The following ZNF362 variants were observed in gnomAD, a reference collection of about 807,000 sequenced individuals.
ZNF362 encodes the protein rotund homolog.
A neutral mutation model predicts 42.9 loss-of-function variants in ZNF362; 11 were observed. That is an observed-to-expected ratio of 0.26 (90% CI 0.16 to 0.42). The LOEUF is 0.42. Ranked by LOEUF, ZNF362 falls within the 20% of genes least tolerant of loss-of-function variation. ZNF362 has a pLI of 1.00. For missense variants in ZNF362, 362 were observed against 576.2 expected (o/e 0.63, Z 3.81); for synonymous variants, 255 against 257.3 (o/e 0.99, Z 0.09).
chr1:33,151,150 G>T, the ZNF362 span, among the ~76,000 whole-genome samples: 2 of 151,970 alleles, frequency 1.3e-5, no homozygotes, highest in South Asian at 2.1e-4. Flanking sequence ...GCTCTCCGTG[G>T]GTCTGAGACC....
the ZNF362 span, among the ~76,000 whole-genome samples, chr1:33,197,602 G>A: frequency 6.6e-6 from 1 of 152,166 alleles, no homozygotes. Flanking sequence ...CAAGCAAGGT[G>A]AGCTAAACAG....
At chr1:33,298,870 C>T in intron 8 of ZNF362, 60 bp from the exon 9 acceptor site, 3 of 1,462,320 alleles carry the variant, frequency 2.1e-6, no homozygotes, top group Non-Finnish European at 2.9e-6. Flanking sequence ...GTGGGAACTG[C>T]AGCCTCTTCT....
At chr1:33,250,757 AAGAAG>A in the ZNF362 span, among the ~76,000 whole-genome samples, 8 of 151,310 alleles carry the variant, frequency 5.3e-5, no homozygotes, top group South Asian at 1.3e-3. Context: ...AAGAAAAAAA[AAGAAG>A]AAAGAAGAAG....
At chr1:33,277,782 A>T (rs2148100868) in intron 4 of ZNF362, among the ~76,000 whole-genome samples, 1 of 152,274 alleles carries the variant, frequency 6.6e-6, no homozygotes, top group Middle Eastern at 3.4e-3. Context: ...TTGGGGAAAG[A>T]TGTGAGCTCA....
the ZNF362 span, chr1:33,196,193 A>C: frequency 6.6e-6 from 1 of 152,148 alleles, no homozygotes; most frequent in East Asian, 1.9e-4. Flanking sequence ...CAGCCTGGCC[A>C]ACATGGTGAA....
rs77802654 is a variant in ZNF362 at position 33,294,234 on chromosome 1, G to A, written c.909-703G>A. On this transcript the variant is annotated intron_variant, in intron 6 of 8. Coordinates refer to ENST00000539719, the MANE Select transcript of ZNF362 (RefSeq NM_152493.3). The surrounding 1 kb of genome is among the most constrained non-coding windows in gnomAD (Gnocchi z 4.2). ...CATTATCTGATGTTATCTTCACAAA[G>A]CCCGATGAGATAGGAACTGTATTTT... is the stretch of plus-strand genomic sequence containing the variant. Among the ~76,000 whole-genome samples, 817 of 152,282 alleles carry A rather than the reference G, an allele frequency of 5.4e-3. 11 individuals carry two copies. Among genetic ancestry groups the A allele is most frequent in the African/African-American group, 0.019 (772 of 41,554 alleles).
the ZNF362 span, among the ~76,000 whole-genome samples, chr1:33,213,984 A>G: frequency 6.6e-6 from 1 of 152,360 alleles, no homozygotes; most frequent in African/African-American, 2.4e-5. Context: ...CTAGATTTTA[A>G]GAGTGCATGA....
chr1:33,261,531 T>A (rs2148063846), intron 1 of ZNF362: 1 of 152,238 alleles, frequency 6.6e-6, no homozygotes, highest in African/African-American at 2.4e-5. Context: ...AATAAATTGG[T>A]GCACAAAGAC....
At chr1:33,172,393 G>A in the ZNF362 span, among the ~76,000 whole-genome samples, 12 of 152,220 alleles carry the variant, frequency 7.9e-5, no homozygotes, top group African/African-American at 2.6e-4. Flanking sequence ...GCAGGAAGTC[G>A]GGGTGGTTGG....
the ZNF362 span, among the ~76,000 whole-genome samples, chr1:33,184,059 A>G: frequency 1.3e-5 from 2 of 148,640 alleles, no homozygotes; most frequent in Non-Finnish European, 1.5e-5. Context: ...AAAAGGCTTG[A>G]TGATGGATGA....
Position 33,281,502 on chromosome 1 carries a change from G to A in ZNF362, c.684-85G>A. 1 of 1,338,700 alleles carries A rather than the reference G, an allele frequency of 7.5e-7. No homozygotes were observed. The highest frequency in any genetic ancestry group is 1.1e-6 in the Non-Finnish European group (1 of 945,590). The allele number at this position is 1,338,700 out of a possible 1,614,324, so 82.9% of individuals were successfully genotyped here. A position where few individuals can be genotyped will look rare whatever the true frequency, so the allele number is the denominator to read the frequency against. On this transcript the variant is annotated intron_variant, in intron 5 of 8. Coordinates refer to ENST00000539719, the MANE Select transcript of ZNF362 (RefSeq NM_152493.3). The surrounding 1 kb of genome is among the most constrained non-coding windows in gnomAD (Gnocchi z 4.8). ...ATCACAGGAAAGACCTGTCCCAGGT[G>A]CAAGGTCTCTCTGATGTAGAAGGCC...
chr1:33,203,052 A>G, the ZNF362 span, among the ~76,000 whole-genome samples: 2 of 152,146 alleles, frequency 1.3e-5, no homozygotes, highest in African/African-American at 4.8e-5. Flanking sequence ...ATTATTAGTG[A>G]TAGTCCTTAT....
chr1:33,239,975 ATAAAG>A, the ZNF362 span, among the ~76,000 whole-genome samples: 5 of 152,330 alleles, frequency 3.3e-5, no homozygotes, highest in Non-Finnish European at 5.9e-5. Context: ...GAATAAGGAA[ATAAAG>A]TAGGGAGAAG....
At chr1:33,192,323 A>G in the ZNF362 span, among the ~76,000 whole-genome samples, 3 of 152,282 alleles carry the variant, frequency 2.0e-5, no homozygotes, top group East Asian at 5.8e-4. Context: ...AATTCATCCT[A>G]GGCCTCTACA....
At chr1:33,270,714 G>T in intron 2 of ZNF362, 102 bp downstream of exon 2, 1 of 1,546,878 alleles carries the variant, frequency 6.5e-7, no homozygotes, top group Non-Finnish European at 8.7e-7. Context: ...TGCCCCCGCT[G>T]CTACCCTCTG....
the ZNF362 span, chr1:33,160,031 C>A: frequency 6.5e-7 from 1 of 1,535,862 alleles, no homozygotes. Context: ...AGCCTTGACA[C>A]ACAGAGAGGA....
the ZNF362 span, chr1:33,145,801 T>G: frequency 2.1e-6 from 1 of 467,006 alleles, no homozygotes; most frequent in Non-Finnish European, 4.4e-6. Context: ...TTCTTCACGA[T>G]TGGATGCTGT....
At chr1:33,252,263 A>G (rs927879855), upstream of ZNF362, among the ~76,000 whole-genome samples, 3 of 152,198 alleles carry the variant, frequency 2.0e-5, no homozygotes, top group Non-Finnish European at 2.9e-5. Context: ...GAGGCAGGAG[A>G]ATCACTTGAA....
At chr1:33,169,647 G>C in the ZNF362 span, among the ~76,000 whole-genome samples, 1 of 152,174 alleles carries the variant, frequency 6.6e-6, no homozygotes, top group Admixed American at 6.5e-5. Context: ...TTCTTCTCCA[G>C]TCCTAGCTCT....
Sources: gnomAD v4.1 joint callset for allele counts (sites outside exome capture counted in the v4.1 genomes callset) on GRCh38, gnomAD v4.1.1 for gene constraint, Gnocchi (gnomAD v3.1) non-coding constraint, MANE v1.5 for transcripts, NCBI Gene and HGNC (gene_info 2026-07-23, HGNC 2026-07-21) for gene names.